CRLF3: variants seen among roughly 807,000 people sequenced by gnomAD.
CRLF3 encodes the protein cytokine receptor like factor 3.
In CRLF3, 33 loss-of-function variants were observed where a neutral mutation model predicts 55.0. That is an observed-to-expected ratio of 0.60 (90% confidence interval 0.46 to 0.80). The LOEUF is 0.80. Ranked by LOEUF, CRLF3 falls within the 30% of genes least tolerant of loss-of-function variation. CRLF3 has a pLI of 0.00. For synonymous variants in CRLF3, 238 were observed against 196.8 expected (o/e 1.21, Z -1.75); for missense variants, 494 against 538.4 (o/e 0.92, Z 0.82).
chr17:30,789,374 C>A (rs1971733042), intron 6 of CRLF3, among the ~76,000 whole-genome samples: 1 of 152,278 alleles, frequency 6.6e-6, no homozygotes, highest in South Asian at 2.1e-4. Context: ...ACTATGCAAT[C>A]TATCAGACAT....
chr17:30,812,521 A>C (rs1255364181), intron 1 of CRLF3, among the ~76,000 whole-genome samples: 1 of 152,164 alleles, frequency 6.6e-6, no homozygotes, highest in Non-Finnish European at 1.5e-5. Flanking sequence ...TGTTTCTCTT[A>C]CACTTAAGAC....
At chr17:30,824,489 G>C (rs564542360) in intron 1 of CRLF3, 34 bp downstream of exon 1, 2 of 1,558,484 alleles carry the variant, frequency 1.3e-6, no homozygotes, top group African/African-American at 1.4e-5. Flanking sequence ...CCACCCCCGG[G>C]CCCACAGCGC....
chr17:30,788,334 AAAAAGAAAAG>A lies in CRLF3; in HGVS notation c.960-2313_960-2304del, dbSNP rs576684013. Among the ~76,000 whole-genome samples, 7 of 148,740 alleles carry A rather than the reference AAAAAGAAAAG, an allele frequency of 4.7e-5. 1 individual carries two copies. In the South Asian group the frequency reaches 1.3e-3, roughly 27 times the overall value. ...GAATGAGACTTTGTCTCAAAAAAAA[AAAAAGAAAAG>A]AAAAGAAAAGAAAGAAGGAAACCTT... On this transcript the variant is annotated intron_variant, in intron 6 of 7. Transcript: ENST00000324238.
In CRLF3 at chr17:30,804,009, G is replaced by A. The variant is rs1972047392; in HGVS notation, c.229C>T (p.Leu77Phe). ...TCAATGGTGTCCACCTCTTGCAAAA[G>A]GGTCACCAATCGCTCATCCAGGAGC... Reference protein sequence around the residue: ...GKLLDERLVTLLQEVDTIEQE... With the variant: ...GKLLDERLVTFLQEVDTIEQE... Residue 77 changes from leucine (L) to phenylalanine (F), a missense_variant, in exon 2 of 8, where the codon CTT (leucine) becomes TTT (phenylalanine). Transcript: ENST00000324238. 1 of 1,612,942 alleles carries A rather than the reference G, an allele frequency of 6.2e-7. No individual in the cohort carries two copies. The highest frequency in any genetic ancestry group is 8.5e-7 in the Non-Finnish European group (1 of 1,179,648).
chr17:30,797,781 T>G (rs868593120), intron 2 of CRLF3, among the ~76,000 whole-genome samples: 1 of 150,082 alleles, frequency 6.7e-6, no homozygotes, highest in Non-Finnish European at 1.5e-5. Context: ...GGGTGTTTTT[T>G]TTTTTTTTTT....
intron 6 of CRLF3, among the ~76,000 whole-genome samples, chr17:30,787,207 A>T (rs2142241478): frequency 6.6e-6 from 1 of 152,348 alleles, no homozygotes; most frequent in African/African-American, 2.4e-5. Flanking sequence ...CTAGACACAT[A>T]GAAGGTTTGT....
At chr17:30,822,169 A>G (rs1224173714) in intron 1 of CRLF3, among the ~76,000 whole-genome samples, 2 of 152,010 alleles carry the variant, frequency 1.3e-5, no homozygotes, top group African/African-American at 4.8e-5. Context: ...TGCTCTTCTC[A>G]TGCTTCTCCC....
intron 6 of CRLF3, among the ~76,000 whole-genome samples, chr17:30,789,560 G>A (rs527356742): frequency 6.0e-4 from 92 of 152,272 alleles, no homozygotes; most frequent in South Asian, 3.3e-3. Context: ...ATACAGACCA[G>A]TCTGGAGTCG....
Position 30,824,682 on chromosome 17 carries a change from G to A in CRLF3, c.-31C>T. The A allele has an allele frequency of 6.3e-6, 10 of 1,577,910 alleles. No individual in the cohort carries two copies. The highest frequency in any genetic ancestry group is 7.7e-6 in the Non-Finnish European group (9 of 1,168,812). On this transcript the variant is annotated 5_prime_UTR_variant, in exon 1 of 8. Coordinates refer to ENST00000324238, the MANE Select transcript of CRLF3 (RefSeq NM_015986.4). ...CGCGCGGCCGGCGAAACCTAGCGCG[G>A]GTTCCCGACTGCACCGGGCGCCTCC...
intron 6 of CRLF3, chr17:30,790,898 G>C (rs1458959493): frequency 6.6e-6 from 1 of 151,730 alleles, no homozygotes; most frequent in Non-Finnish European, 1.5e-5. Flanking sequence ...TAATATGCAT[G>C]AGCCACAGTG....
At chr17:30,801,913 G>A (rs1368139239) in intron 2 of CRLF3, among the ~76,000 whole-genome samples, 1 of 151,328 alleles carries the variant, frequency 6.6e-6, no homozygotes, top group Admixed American at 6.6e-5. Context: ...CTTCTGCTTG[G>A]AATCATGCTG....
intron 1 of CRLF3, among the ~76,000 whole-genome samples, chr17:30,816,488 CTTTTT>C (rs1183953028): frequency 4.3e-5 from 5 of 117,492 alleles, no homozygotes; most frequent in Admixed American, 9.1e-5. Context: ...TTCTTTCTTT[CTTTTT>C]TTTTTTTTTT....
chr17:30,815,972 A>G (rs1296289652), intron 1 of CRLF3, among the ~76,000 whole-genome samples: 2 of 144,448 alleles, frequency 1.4e-5, no homozygotes, highest in African/African-American at 2.7e-5. Context: ...AGGAAATAAA[A>G]AGTTAAAAAA....
In CRLF3 at chr17:30,821,349, A is replaced by G. The variant is rs560000150; in HGVS notation, c.129+3174T>C. Among the ~76,000 whole-genome samples the G allele has an allele frequency of 1.7e-4, 25 of 147,508 alleles. 1 individual carries two copies. The East Asian group carries it at 4.2e-3, about 25-fold the overall frequency. On this transcript the variant is annotated intron_variant, in intron 1 of 7. Transcript: ENST00000324238. ...AGTGAGGTCCTTTCTCAAAAAAAAA[A>G]AAAAAGAAAAAAGGAAAAAAAGTAT...
At chr17:30,793,839 C>G (rs1326071054) in intron 4 of CRLF3, among the ~76,000 whole-genome samples, 167 bp from the exon 5 acceptor site, 1 of 151,886 alleles carries the variant, frequency 6.6e-6, no homozygotes, top group African/African-American at 2.4e-5. Flanking sequence ...ACATCATTAT[C>G]TCCCTTCTTT....
At chr17:30,818,456 CTTT>C (rs1370656622) in intron 1 of CRLF3, among the ~76,000 whole-genome samples, 7 of 133,232 alleles carry the variant, frequency 5.3e-5, no homozygotes, top group Admixed American at 2.3e-4. Context: ...TTTTCTTTTC[CTTT>C]TTTTTTTTTT....
intron 1 of CRLF3, 49 bp downstream of exon 1, chr17:30,824,474 C>T (rs1460656173): frequency 6.5e-7 from 1 of 1,527,998 alleles, no homozygotes; most frequent in Non-Finnish European, 8.8e-7. Flanking sequence ...CGCCCGGCAT[C>T]CGCGCCACCC....
intron 1 of CRLF3, among the ~76,000 whole-genome samples, chr17:30,822,326 G>C (rs1205418009): frequency 6.6e-6 from 1 of 152,144 alleles, no homozygotes; most frequent in African/African-American, 2.4e-5. Flanking sequence ...AATGCAAGTT[G>C]ACAGAGGACT....
intron 1 of CRLF3, among the ~76,000 whole-genome samples, chr17:30,813,806 C>T (rs1188066621): frequency 1.4e-5 from 2 of 146,268 alleles, no homozygotes; most frequent in Non-Finnish European, 3.0e-5. Flanking sequence ...CATTTTAATT[C>T]CCACAATGGC....
Sources: gnomAD v4.1 joint callset for allele counts (sites outside exome capture counted in the v4.1 genomes callset) on GRCh38, gnomAD v4.1.1 for gene constraint, MANE v1.5 for transcripts, NCBI Gene and HGNC (gene_info 2026-07-23, HGNC 2026-07-21) for gene names.